MSL1: variants seen among roughly 807,000 people sequenced by gnomAD.
MSL1 encodes MSL complex subunit 1.
MSL1 carries 21 observed loss-of-function variants against 64.6 expected under a neutral mutation model. The observed-to-expected ratio is 0.33, with a 90% CI of 0.23 to 0.47. The LOEUF (loss-of-function observed/expected upper bound fraction) is 0.47. Among genes scored for constraint, MSL1 ranks in the 20% least tolerant of loss-of-function variants. The pLI is 1.00. For missense variants in MSL1, 664 were observed against 793.2 expected, an observed-to-expected ratio of 0.84 and a Z score of 1.96; for synonymous variants, 339 against 329.6, an observed-to-expected ratio of 1.03 and a Z score of -0.31.
chr17:40,125,365 C>T (rs997987900), intron 1 of MSL1, among the ~76,000 whole-genome samples: 5 of 152,180 alleles, frequency 3.3e-5, no homozygotes, highest in African/African-American at 1.2e-4. Context: ...TACCCCCTCC[C>T]ACACATACCC....
Position 40,133,910 on chromosome 17 carries a change from AT to A in MSL1, c.1754+19del, listed in dbSNP as rs753585016. The A allele has an allele frequency of 1.6e-5, 25 of 1,610,344 alleles. No individual in the cohort carries two copies. The highest frequency in any genetic ancestry group is 1.5e-4 in the South Asian group (14 of 91,000). On this transcript the variant is annotated intron_variant, in intron 8 of 8. Transcript: ENST00000398532. The stretch of plus-strand genomic sequence containing the variant: ...AAAATTAACTCCACAGTAAGTATAC[AT>A]TTTTTTTCTCCCCTTCCAGGTAACC...
rs761934187 is a variant in MSL1, at chr17:40,131,299, C to T, written c.1376-238C>T. On this transcript the variant is annotated intron_variant, in intron 3 of 8. Coordinates refer to ENST00000398532, the MANE Select transcript of MSL1 (RefSeq NM_001365919.1). The surrounding 1 kb of genome is among the most constrained non-coding windows in gnomAD (Gnocchi z 4.5). ...CATCAACTGTTGCAGGGAAACCACC[C>T]TAAATAATGAAGAAAAGAAGTCGTC... 4.2e-5 allele frequency: 18 copies of T among 432,360 alleles called. No individual in the cohort carries two copies. Among genetic ancestry groups the T allele is most frequent in the African/African-American group, 3.4e-4 (17 of 50,022 alleles). The allele number at this position is 432,360 out of a possible 1,614,324, so 26.8% of individuals were successfully genotyped here.
chr17:40,129,118 T>C (rs1988384986), intron 2 of MSL1, 127 bp from the exon 3 acceptor site: 5 of 759,802 alleles, frequency 6.6e-6, no homozygotes, highest in Non-Finnish European at 1.0e-5. Flanking sequence ...ACCAGACATT[T>C]AGGTACCTGA....
At chr17:40,132,986 T>C (rs2145136248) in intron 5 of MSL1, 56 bp from the exon 6 acceptor site, 1 of 1,472,902 alleles carries the variant, frequency 6.8e-7, no homozygotes, top group South Asian at 1.2e-5. Flanking sequence ...AGTTAGTATA[T>C]GTGTGTAACT....
rs1431182566 is a variant in MSL1 at position 40,129,502 on chromosome 17, C to T, written c.1250C>T (p.Ser417Leu). The T allele has an allele frequency of 6.2e-7, 1 of 1,613,944 alleles. No homozygotes were observed. Among genetic ancestry groups the T allele is most frequent in the Admixed American group, 1.7e-5 (1 of 60,026 alleles). ...ACCCATCCCAAGGAGAAAGCCTTCT[C>T]AAGTGAGATAGAAGATTTGCCGTAC... is the stretch of plus-strand genomic sequence containing the variant. ...PSTHPKEKAFSSEIEDLPYLS... is the reference protein window; with the variant it reads ...PSTHPKEKAFLSEIEDLPYLS... The change falls in exon 3 of 9, where the codon TCA becomes TTA. Residue 417 changes from serine (S) to leucine (L), a missense_variant. Physicochemically the swap from Ser to Leu is moderately radical, Grantham distance 145. Around this residue, in one of 4 missense-constraint regions of MSL1, gnomAD observed 119 missense variants for 164.3 expected, o/e 0.72. Coordinates refer to ENST00000398532, the MANE Select transcript of MSL1 (RefSeq NM_001365919.1).
At chr17:40,132,628 C>A (rs1223441916) in intron 5 of MSL1, among the ~76,000 whole-genome samples, 1 of 152,092 alleles carries the variant, frequency 6.6e-6, no homozygotes, top group South Asian at 2.1e-4. Context: ...GACGGAGTGA[C>A]TCCATCACAC....
At chr17:40,123,446 G>A (rs1397960006) in intron 1 of MSL1, 66 bp downstream of exon 1, 1 of 1,484,820 alleles carries the variant, frequency 6.7e-7, no homozygotes, top group Non-Finnish European at 9.1e-7. Context: ...GGGGAAGGGG[G>A]CTGTAGGAGG....
chr17:40,132,221 A>G, intron 5 of MSL1, 123 bp downstream of exon 5: 1 of 666,682 alleles, frequency 1.5e-6, no homozygotes, highest in Non-Finnish European at 2.6e-6. Context: ...CAGAAACTTG[A>G]GAAATTATCT....
intron 7 of MSL1, 64 bp downstream of exon 7, chr17:40,133,722 G>C: frequency 6.2e-7 from 1 of 1,611,048 alleles, no homozygotes; most frequent in African/African-American, 1.3e-5. Flanking sequence ...AGGCTCCAGG[G>C]TACAACTTGC....
intron 6 of MSL1, 183 bp from the exon 7 acceptor site, chr17:40,133,351 A>G: frequency 1.2e-6 from 1 of 815,932 alleles, no homozygotes; most frequent in Non-Finnish European, 1.9e-6. Flanking sequence ...ACACCAACAC[A>G]TGATCTAAAC....
intron 2 of MSL1, among the ~76,000 whole-genome samples, chr17:40,128,865 T>C (rs1300758885): frequency 6.6e-6 from 1 of 151,744 alleles, no homozygotes; most frequent in Non-Finnish European, 1.5e-5. Context: ...ACAAAAAAAA[T>C]TAACCAGGCA....
rs548089994 is a variant in MSL1, at chr17:40,133,131, C to T, written c.1556+22C>T. The T allele has an allele frequency of 2.5e-6, 4 of 1,589,128 alleles. No homozygotes were observed. In the South Asian group the frequency reaches 3.4e-5, roughly 14 times the overall value. ...AAAGGTGAGGCCAGAGATGTCCATC[C>T]TGGAAACAACTGAGCCCTAGGACCT... On this transcript the variant is annotated intron_variant, in intron 6 of 8. Transcript: ENST00000398532.
chr17:40,126,103 C>G, intron 1 of MSL1, 80 bp from the exon 2 acceptor site: 1 of 1,281,624 alleles, frequency 7.8e-7, no homozygotes, highest in Non-Finnish European at 1.1e-6. Flanking sequence ...GAAGACTATA[C>G]TGATTCCTAA....
intron 1 of MSL1, among the ~76,000 whole-genome samples, chr17:40,125,398 C>T (rs1231464387): frequency 1.3e-5 from 2 of 152,182 alleles, no homozygotes; most frequent in Non-Finnish European, 2.9e-5. Context: ...ACTGCCATTC[C>T]TGGTGGCACT....
At position 40,122,604 on chromosome 17, in the gene MSL1, C is replaced by T. The variant is rs1489128534; in HGVS notation, c.-9C>T. 6.9e-7 allele frequency: 1 copy of T among 1,457,906 alleles called. No individual in the cohort carries two copies. The highest frequency in any genetic ancestry group is 9.0e-7 in the Non-Finnish European group (1 of 1,111,626). 90.3% of individuals were successfully genotyped at this position (1,457,906 alleles called of 1,614,324 possible). On this transcript the variant is annotated 5_prime_UTR_variant, in exon 1 of 9. Coordinates refer to ENST00000398532, the MANE Select transcript of MSL1 (RefSeq NM_001365919.1). This position sits in a 1 kb window ranked among gnomAD's most constrained non-coding sequence, Gnocchi z 4.2. The stretch of plus-strand genomic sequence containing the variant: ...TCCGCCTCGGTGCCCGGCGCTGCTC[C>T]GGACCACTATGACCATGAGATCCGC...
chr17:40,122,481 G>A lies in MSL1; in HGVS notation c.-132G>A. On this transcript the variant is annotated 5_prime_UTR_variant, in exon 1 of 9. Coordinates refer to ENST00000398532, the MANE Select transcript of MSL1 (RefSeq NM_001365919.1). The surrounding 1 kb of genome is among the most constrained non-coding windows in gnomAD (Gnocchi z 4.2). ...CGGGCCCCGGAGGAGCCGCGCTAGC[G>A]GAGGCCTGCTGCCGCGCTGCTGAGG... The A allele has an allele frequency of 1.7e-6, 1 of 586,324 alleles. No individual in the cohort carries two copies. Among genetic ancestry groups the A allele is most frequent in the East Asian group, 3.5e-5 (1 of 28,492 alleles). The allele number at this position is 586,324 out of a possible 1,614,324, so 36.3% of individuals were successfully genotyped here.
intron 7 of MSL1, 67 bp from the exon 8 acceptor site, chr17:40,133,760 C>G: frequency 6.2e-7 from 1 of 1,609,346 alleles, no homozygotes; most frequent in Non-Finnish European, 8.5e-7. Flanking sequence ...TATTTTGGAG[C>G]AGATATAGCT....
rs781415856 is a variant in MSL1, at chr17:40,123,179, C to G, written c.567C>G (p.Ala189=). Residue 189 remains alanine, a synonymous_variant, in exon 1 of 9, where the codon GCC becomes GCG. Transcript: ENST00000398532. ...GPPPLAPTAT[A]GTLAASEGRW... ...CACCCCTCGCGCCCACCGCCACCGC[C>G]GGGACCCTGGCGGCCAGCGAGGGCA... is the stretch of plus-strand genomic sequence containing the variant. 52 of 1,535,220 alleles carry G rather than the reference C, an allele frequency of 3.4e-5. 3 individuals are homozygous for G. The Middle Eastern group carries it at 4.7e-3, about 139-fold the overall frequency.
At chr17:40,128,906 C>T (rs984162447) in intron 2 of MSL1, among the ~76,000 whole-genome samples, 2 of 151,910 alleles carry the variant, frequency 1.3e-5, no homozygotes, top group African/African-American at 4.8e-5. Context: ...CCCAGCTACT[C>T]AGGAGGCTGA....
Sources: gnomAD v4.1 joint callset for allele counts (sites outside exome capture counted in the v4.1 genomes callset) on GRCh38, gnomAD v4.1.1 for gene constraint, gnomAD v4.1.1 regional missense constraint, Gnocchi (gnomAD v3.1) non-coding constraint, MANE v1.5 for transcripts, NCBI Gene and HGNC (gene_info 2026-07-23, HGNC 2026-07-21) for gene names.